Variants in SLC22A5 observed in about 807,000 individuals in gnomAD.
SLC22A5 encodes the protein solute carrier family 22 member 5.
A neutral mutation model predicts 56.7 loss-of-function variants in SLC22A5; 44 were observed. The observed-to-expected ratio is 0.78, with a 90% CI of 0.61 to 1.00. The LOEUF (loss-of-function observed/expected upper bound fraction) is 1.00. SLC22A5 is among the 50% of genes least tolerant of loss of function. The probability of loss-of-function intolerance (pLI) is 0.00; values close to 1 mark genes in which losing one functional copy is unlikely to be tolerated. For missense variants in SLC22A5, 675 were observed against 723.0 expected (o/e 0.93, Z 0.76); for synonymous variants, 278 against 292.1 (o/e 0.95, Z 0.49).
At chr5:132,392,250 C>G (rs966032898) in intron 7 of SLC22A5, among the ~76,000 whole-genome samples, 183 bp from the exon 8 acceptor site, 14 of 152,186 alleles carry the variant, frequency 9.2e-5, no homozygotes, top group Non-Finnish European at 2.1e-4. Context: ...AGCTGCAGGT[C>G]CCAGCCTCCT....
In SLC22A5 at chr5:132,385,438, G is replaced by A. The variant is rs774619135; in HGVS notation, c.763G>A (p.Asp255Asn). ...GCCACTGTTTGCTTACTTCATCCGAGACTGGCGGATGCTGCTGGTGGCGCT... is the reference window on the plus strand; with the variant it reads ...GCCACTGTTTGCTTACTTCATCCGAAACTGGCGGATGCTGCTGGTGGCGCT... ...VLPLFAYFIR[D>N]WRMLLVALTM... Residue 255 changes from aspartate to asparagine, a missense_variant, in exon 4 of 10, where the codon GAC becomes AAC. Transcript: ENST00000245407. 5.6e-6 allele frequency: 9 copies of A among 1,614,062 alleles called. No homozygotes were observed. Among genetic ancestry groups the A allele is most frequent in the Admixed American group, 1.7e-5 (1 of 60,008 alleles).
At chr5:132,372,014 T>A (rs1166212288) in intron 1 of SLC22A5, among the ~76,000 whole-genome samples, 1 of 152,220 alleles carries the variant, frequency 6.6e-6, no homozygotes, top group Non-Finnish European at 1.5e-5. Flanking sequence ...GGAAATTTGA[T>A]GTCCCCAGCA....
At chr5:132,388,493 CA>C in intron 5 of SLC22A5, among the ~76,000 whole-genome samples, 1 of 152,244 alleles carries the variant, frequency 6.6e-6, no homozygotes, top group African/African-American at 2.4e-5. Context: ...TATAAGGACT[CA>C]AAACATTAAC....
In SLC22A5 at chr5:132,393,773, A is replaced by G. The variant is rs1253149319; in HGVS notation, c.1548A>G (p.Pro516=). ...TLFLPESFGT[P]LPDTIDQMLR... Reference sequence around the variant, plus strand: ...TTCTCCCAGAGAGCTTCGGTACCCCACTCCCAGACACCATTGACCAGATGC... The same window carrying G: ...TTCTCCCAGAGAGCTTCGGTACCCCGCTCCCAGACACCATTGACCAGATGC... The change falls in exon 9 of 10, where the codon CCA becomes CCG. Residue 516 remains proline, a synonymous_variant. Transcript: ENST00000245407. 8.1e-6 allele frequency: 13 copies of G among 1,613,796 alleles called. No individual in the cohort carries two copies. In the Admixed American group the frequency reaches 2.2e-4, roughly 27 times the overall value.
chr5:132,391,662 A>C (rs1752705755), intron 7 of SLC22A5, among the ~76,000 whole-genome samples: 1 of 151,976 alleles, frequency 6.6e-6, no homozygotes, highest in African/African-American at 2.4e-5. Flanking sequence ...GAGCCTTAGC[A>C]GGATTTTATT....
Position 132,369,942 on chromosome 5 carries a change from A to T in SLC22A5, c.-31A>T. On this transcript the variant is annotated 5_prime_UTR_variant, in exon 1 of 10. Coordinates refer to ENST00000245407, the MANE Select transcript of SLC22A5 (RefSeq NM_003060.4). Reference sequence around the variant, plus strand: ...AAAGCCCGCCGCGTTCCCCGACCCCAGGCCGCGCTCTGTGGGCCTCTGAGG... The same window carrying T: ...AAAGCCCGCCGCGTTCCCCGACCCCTGGCCGCGCTCTGTGGGCCTCTGAGG... 6.2e-7 allele frequency: 1 copy of T among 1,610,358 alleles called. No homozygotes were observed. The highest frequency in any genetic ancestry group is 8.5e-7 in the Non-Finnish European group (1 of 1,178,754).
intron 4 of SLC22A5, among the ~76,000 whole-genome samples, chr5:132,386,221 T>A (rs1440231907): frequency 1.3e-5 from 1 of 78,866 alleles, no homozygotes; most frequent in Non-Finnish European, 3.1e-5. Context: ...CTTTTCTTTT[T>A]CTTTTCTTTT....
At chr5:132,377,951 C>A in intron 1 of SLC22A5, 1 of 678,312 alleles carries the variant, frequency 1.5e-6, no homozygotes, top group Non-Finnish European at 2.4e-6. Flanking sequence ...GATGCTTTGG[C>A]CCGTAGAGCC....
Position 132,385,325 on chromosome 5 carries a change from C to T in SLC22A5, c.653-3C>T. 1 of 1,613,438 alleles carries T rather than the reference C, an allele frequency of 6.2e-7. No individual in the cohort carries two copies. The highest frequency in any genetic ancestry group is 8.5e-7 in the Non-Finnish European group (1 of 1,179,606). ...CTAACTCGACCTCCCTTGTTTTGAA[C>T]AGGGACAGAAATTCTTGGCAAGTCA... is the stretch of plus-strand genomic sequence containing the variant. On this transcript the variant is annotated splice_region_variant and splice_polypyrimidine_tract_variant and intron_variant, in intron 3 of 9. Coordinates refer to ENST00000245407, the MANE Select transcript of SLC22A5 (RefSeq NM_003060.4).
intron 2 of SLC22A5, chr5:132,379,849 T>G (rs1752290243): frequency 6.6e-6 from 1 of 152,176 alleles, no homozygotes; most frequent in East Asian, 1.9e-4. Flanking sequence ...ATGGAGAAAG[T>G]GAGACAGAGG....
Position 132,369,960 on chromosome 5 carries a change from C to G in SLC22A5, c.-13C>G. 1 of 1,612,440 alleles carries G rather than the reference C, an allele frequency of 6.2e-7. No homozygotes were observed. The highest frequency in any genetic ancestry group is 1.7e-5 in the Admixed American group (1 of 59,984). On this transcript the variant is annotated 5_prime_UTR_variant, in exon 1 of 10. Coordinates refer to ENST00000245407, the MANE Select transcript of SLC22A5 (RefSeq NM_003060.4). ...CGACCCCAGGCCGCGCTCTGTGGGCCTCTGAGGGCGGCATGCGGGACTACG... is the reference window on the plus strand; with the variant it reads ...CGACCCCAGGCCGCGCTCTGTGGGCGTCTGAGGGCGGCATGCGGGACTACG...
chr5:132,381,004 A>T (rs1472193858), intron 2 of SLC22A5: 1 of 152,072 alleles, frequency 6.6e-6, no homozygotes, highest in African/African-American at 2.4e-5. Flanking sequence ...GACATGGGAG[A>T]TTCCTTCTCA....
intron 2 of SLC22A5, 61 bp from the exon 3 acceptor site, chr5:132,384,086 T>A: frequency 6.4e-7 from 1 of 1,555,442 alleles, no homozygotes; most frequent in Middle Eastern, 1.7e-4. Context: ...CCCCACTTGG[T>A]GGAGCCCATT....
intron 1 of SLC22A5, 87 bp downstream of exon 1, chr5:132,370,452 GCACTGGACGCTGT>G: frequency 7.2e-7 from 1 of 1,393,454 alleles, no homozygotes; most frequent in Middle Eastern, 1.9e-4. Context: ...TCCCAGATGC[GCACTGGACGCTGT>G]CACTCCCCCT....
At chr5:132,386,869 C>T (rs763432170) in intron 4 of SLC22A5, among the ~76,000 whole-genome samples, 156 bp from the exon 5 acceptor site, 6 of 152,190 alleles carry the variant, frequency 3.9e-5, no homozygotes, top group South Asian at 2.1e-4. Flanking sequence ...GTTATTGCTG[C>T]GTGTGGATCA....
Position 132,369,999 on chromosome 5 carries a change from C to T in SLC22A5, c.27C>T (p.Ala9=). The stretch of plus-strand genomic sequence containing the variant: ...TGCGGGACTACGACGAGGTGACCGC[C>T]TTCCTGGGCGAGTGGGGGCCCTTCC... The part of the protein sequence containing the change: MRDYDEVT[A]FLGEWGPFQR... Residue 9 remains alanine (A), a synonymous_variant, in exon 1 of 10, where the codon GCC becomes GCT. Transcript: ENST00000245407. 1.2e-6 allele frequency: 2 copies of T among 1,613,306 alleles called. No individual in the cohort carries two copies. Among genetic ancestry groups the T allele is most frequent in the South Asian group, 1.1e-5 (1 of 91,082 alleles).
intron 1 of SLC22A5, 75 bp from the exon 2 acceptor site, chr5:132,378,303 C>G: frequency 2.5e-6 from 4 of 1,612,652 alleles, no homozygotes; most frequent in Non-Finnish European, 3.4e-6. Flanking sequence ...GTTCTGACTT[C>G]ATTTTCCAGG....
intron 8 of SLC22A5, among the ~76,000 whole-genome samples, chr5:132,393,208 G>C (rs1752768182): frequency 1.3e-5 from 2 of 152,132 alleles, no homozygotes; most frequent in South Asian, 4.1e-4. Context: ...AGAGTACTCA[G>C]AGTGCTTTGT....
chr5:132,391,589 G>A (rs554908352), intron 7 of SLC22A5, among the ~76,000 whole-genome samples: 39 of 152,342 alleles, frequency 2.6e-4, no homozygotes, highest in Admixed American at 1.7e-3. Context: ...AGCAGGGGAT[G>A]AGCCTGGCAT....
Sources: gnomAD v4.1 joint callset for allele counts (sites outside exome capture counted in the v4.1 genomes callset) on GRCh38, gnomAD v4.1.1 for gene constraint, MANE v1.5 for transcripts, NCBI Gene and HGNC (gene_info 2026-07-23, HGNC 2026-07-21) for gene names.